NCAPD3: variants seen among roughly 807,000 people sequenced by gnomAD.
NCAPD3 encodes non-SMC condensin II complex subunit D3.
A neutral mutation model predicts 182.9 loss-of-function variants in NCAPD3; 105 were observed. The ratio of observed to expected loss-of-function variants is 0.57; its 90% CI spans 0.49 to 0.68. The LOEUF (loss-of-function observed/expected upper bound fraction) is 0.68. Ranked by LOEUF, NCAPD3 falls within the 30% of genes least tolerant of loss-of-function variation. The pLI is 0.00. For missense variants in NCAPD3, 1,944 were observed against 1,837.0 expected (o/e 1.06, Z -1.07); for synonymous variants, 815 against 679.9 (o/e 1.20, Z -3.09).
upstream of NCAPD3, chr11:134,224,053 A>G: frequency 8.5e-7 from 1 of 1,178,958 alleles, no homozygotes; most frequent in Non-Finnish European, 1.2e-6. Flanking sequence ...CACCGCGCCG[A>G]GCCGTTTCCA....
chr11:134,168,235 A>C (rs1943916731), intron 26 of NCAPD3, 40 bp from the exon 27 acceptor site: 3 of 1,582,642 alleles, frequency 1.9e-6, no homozygotes, highest in Non-Finnish European at 2.6e-6. Flanking sequence ...GCTTCTGAGA[A>C]ATGCTCTGGC....
At position 134,152,940 on chromosome 11, in the gene NCAPD3, CTGT is replaced by C. The variant is rs1943298444; in HGVS notation, c.*1_*3del. On this transcript the variant is annotated 3_prime_UTR_variant, in exon 35 of 35. Coordinates refer to ENST00000534548, the MANE Select transcript of NCAPD3 (RefSeq NM_015261.3). ...CCTGCCTGGACACTGGTGGGAGGCGCTGTTTAGTTGGCTGTTTTCAGAGGGGTC... is the reference window on the plus strand; with the variant it reads ...CCTGCCTGGACACTGGTGGGAGGCGCTTAGTTGGCTGTTTTCAGAGGGGTC... 3 of 1,538,642 alleles carry C rather than the reference CTGT, an allele frequency of 1.9e-6. No individual in the cohort carries two copies. In the African/African-American group the frequency reaches 4.1e-5, roughly 21 times the overall value.
intron 16 of NCAPD3, among the ~76,000 whole-genome samples, chr11:134,190,977 CCT>C (rs1591846407): frequency 6.6e-6 from 1 of 152,162 alleles, no homozygotes; most frequent in East Asian, 1.9e-4. Flanking sequence ...ATCCTCACTC[CCT>C]GTTTCCATTT....
chr11:134,167,236 A>G (rs1191484138), intron 27 of NCAPD3, among the ~76,000 whole-genome samples: 3 of 87,290 alleles, frequency 3.4e-5, no homozygotes, highest in Admixed American at 1.6e-4. Flanking sequence ...AGCTTGGGGG[A>G]GGCGCACACT....
At chr11:134,165,409 G>T (rs1042595425) in intron 27 of NCAPD3, among the ~76,000 whole-genome samples, 1 of 149,856 alleles carries the variant, frequency 6.7e-6, no homozygotes, top group African/African-American at 2.5e-5. Flanking sequence ...CTTCTGAGAT[G>T]AGCTTAGGGG....
At chr11:134,180,744 T>C (rs1377728735) in intron 20 of NCAPD3, among the ~76,000 whole-genome samples, 1 of 152,194 alleles carries the variant, frequency 6.6e-6, no homozygotes, top group Non-Finnish European at 1.5e-5. Context: ...AAAAACACTA[T>C]ACTCACATTA....
intron 24 of NCAPD3, among the ~76,000 whole-genome samples, chr11:134,175,015 G>T (rs1378047076): frequency 6.6e-6 from 1 of 152,204 alleles, no homozygotes; most frequent in Non-Finnish European, 1.5e-5. Context: ...ACATAAAAGG[G>T]ATAGATTAAG....
chr11:134,161,720 G>A (rs572805521), intron 28 of NCAPD3, 61 bp downstream of exon 28: 32 of 1,008,112 alleles, frequency 3.2e-5, no homozygotes, highest in Non-Finnish European at 4.4e-5. Flanking sequence ...ATAACTGGCA[G>A]AAGATCCTAA....
Position 134,217,054 on chromosome 11 carries a change from T to C in NCAPD3, c.264A>G (p.Thr88=), listed in dbSNP as rs999390754. 6.2e-7 allele frequency: 1 copy of C among 1,613,886 alleles called. No homozygotes were observed. The highest frequency in any genetic ancestry group is 8.5e-7 in the Non-Finnish European group (1 of 1,179,916). The change falls in exon 3 of 35, where the codon ACA becomes ACG. Residue 88 remains threonine (T), a synonymous_variant. Coordinates refer to ENST00000534548, the MANE Select transcript of NCAPD3 (RefSeq NM_015261.3). ...FFIENNVSHS[T]LVALFYHFVQ... Reference sequence around the variant, plus strand: ...CAAAATGATAGAACAATGCCACCAGTGTACTATGGGAAACATTGTTCTCAA... The same window carrying C: ...CAAAATGATAGAACAATGCCACCAGCGTACTATGGGAAACATTGTTCTCAA...
At chr11:134,181,840 CGACT>C (rs1329922700) in intron 19 of NCAPD3, among the ~76,000 whole-genome samples, 26 of 152,010 alleles carry the variant, frequency 1.7e-4, no homozygotes, top group Non-Finnish European at 2.4e-4. Context: ...TACCCGATGC[CGACT>C]TTTATTTTAG....
At chr11:134,218,373 C>T (rs1938107757) in intron 2 of NCAPD3, among the ~76,000 whole-genome samples, 1 of 152,190 alleles carries the variant, frequency 6.6e-6, no homozygotes, top group African/African-American at 2.4e-5. Flanking sequence ...GTCCTGGCTG[C>T]TTCTCACCCT....
chr11:134,167,109 C>G (rs78975499), intron 27 of NCAPD3, among the ~76,000 whole-genome samples: 6 of 86,802 alleles, frequency 6.9e-5, no homozygotes, highest in African/African-American at 1.3e-4. Flanking sequence ...CTTGGGGGAG[C>G]TGCACACTCA....
In NCAPD3 at chr11:134,178,898, CA is replaced by C; in HGVS notation, c.2597del (p.Leu866ArgfsTer13). On this transcript the variant is annotated frameshift_variant, in exon 21 of 35. Coordinates refer to ENST00000534548, the MANE Select transcript of NCAPD3 (RefSeq NM_015261.3). LOFTEE classifies it high-confidence loss of function. ...YIFTLGDIAQ[L>X]CPARVEKRIF... ...TGCGCTTCTCCACCCTGGCTGGACA[CA>C]GCTGGGCTATATCCCCTAAGGTAAA... 1 of 1,614,148 alleles carries C rather than the reference CA, an allele frequency of 6.2e-7. No individual in the cohort carries two copies. The highest frequency in any genetic ancestry group is 8.5e-7 in the Non-Finnish European group (1 of 1,180,012).
intron 27 of NCAPD3, among the ~76,000 whole-genome samples, chr11:134,163,278 G>A (rs960495696): frequency 3.9e-5 from 6 of 152,136 alleles, no homozygotes; most frequent in Non-Finnish European, 8.8e-5. Context: ...TTTGACAAAA[G>A]TCTATATGGA....
At chr11:134,159,346 C>A (rs914084850) in intron 29 of NCAPD3, among the ~76,000 whole-genome samples, 45 of 152,312 alleles carry the variant, frequency 3.0e-4, no homozygotes, top group African/African-American at 9.6e-4. Flanking sequence ...GTACTATGAG[C>A]AAGTCCATAA....
intron 16 of NCAPD3, among the ~76,000 whole-genome samples, chr11:134,188,048 G>A (rs182707867): frequency 6.6e-6 from 1 of 152,340 alleles, no homozygotes; most frequent in East Asian, 1.9e-4. Flanking sequence ...GGTGAAGCCA[G>A]TTGGACTTCC....
chr11:134,163,406 G>T (rs893036755), intron 27 of NCAPD3, among the ~76,000 whole-genome samples: 3 of 151,982 alleles, frequency 2.0e-5, no homozygotes, highest in African/African-American at 4.8e-5. Flanking sequence ...TTGTACTTAA[G>T]AAAGACTGCT....
At position 134,151,060 on chromosome 11, in the gene NCAPD3, C is replaced by A. The variant is rs968648118; in HGVS notation, c.*1884G>T. On this transcript the variant is annotated 3_prime_UTR_variant, in exon 35 of 35. Coordinates refer to ENST00000534548, the MANE Select transcript of NCAPD3 (RefSeq NM_015261.3). ...GCCTCACATGCCCTGCCGTGCTGGA[C>A]TCAGGACTGAAGTGCTGTAAAGCAA... 7 of 152,296 alleles carry A rather than the reference C, an allele frequency of 4.6e-5. No individual in the cohort carries two copies. The highest frequency in any genetic ancestry group is 1.7e-4 in the African/African-American group (7 of 41,470). 9.4% of individuals were successfully genotyped at this position (152,296 alleles called of 1,614,324 possible).
At chr11:134,167,744 C>A (rs1436397306) in intron 27 of NCAPD3, among the ~76,000 whole-genome samples, 1 of 122,830 alleles carries the variant, frequency 8.1e-6, no homozygotes, top group Non-Finnish European at 1.6e-5. Flanking sequence ...GTGAGATGAG[C>A]TTAGGGAGAG....
Sources: gnomAD v4.1 joint callset for allele counts (sites outside exome capture counted in the v4.1 genomes callset) on GRCh38, gnomAD v4.1.1 for gene constraint, MANE v1.5 for transcripts, NCBI Gene and HGNC (gene_info 2026-07-23, HGNC 2026-07-21) for gene names.